The following PDLIM5 variants were observed in gnomAD, a reference collection of about 807,000 sequenced individuals.
PDLIM5 encodes the protein PDZ and LIM domain protein 5.
In PDLIM5, 34 loss-of-function variants were observed where a neutral mutation model predicts 64.2. The ratio of observed to expected loss-of-function variants is 0.53; its 90% confidence interval spans 0.40 to 0.71. The LOEUF (loss-of-function observed/expected upper bound fraction) is 0.71. Ranked by LOEUF, PDLIM5 falls within the 30% of genes least tolerant of loss-of-function variation. The probability of loss-of-function intolerance (pLI) is 0.00; values close to 1 mark genes in which losing one functional copy is unlikely to be tolerated. For synonymous variants in PDLIM5, 253 were observed against 269.1 expected, an observed-to-expected ratio of 0.94 and a Z score of 0.59; for missense variants, 683 against 733.6, an observed-to-expected ratio of 0.93 and a Z score of 0.80.
chr4:94,661,822 C>CTT (rs869268659), intron 11 of PDLIM5, among the ~76,000 whole-genome samples: 3 of 142,324 alleles, frequency 2.1e-5, no homozygotes, highest in South Asian at 2.3e-4. Context: ...CAGAACAGTT[C>CTT]TTTTTTTTTT....
chr4:94,635,586 A>G lies in PDLIM5; in HGVS notation c.1109-4690A>G, dbSNP rs760605904. On this transcript the variant is annotated intron_variant, in intron 8 of 12. Coordinates refer to ENST00000317968, the MANE Select transcript of PDLIM5 (RefSeq NM_006457.5). ...GGGTTCAATGCATTTGGAGCATTTTAGAGGTCAATGTGCTACCCATGGAAG... is the reference window on the plus strand; with the variant it reads ...GGGTTCAATGCATTTGGAGCATTTTGGAGGTCAATGTGCTACCCATGGAAG... Among the ~76,000 whole-genome samples the G allele has an allele frequency of 9.8e-5, 15 of 152,352 alleles. No homozygotes were observed. The East Asian group carries it at 2.3e-3, about 24-fold the overall frequency.
rs34176254 is a variant in PDLIM5 at position 94,479,330 on chromosome 4, C to CTTT, written c.96+23960_96+23962dup. Among the ~76,000 whole-genome samples the CTTT allele has an allele frequency of 4.0e-4, 53 of 130,952 alleles. 1 individual carries two copies. Among genetic ancestry groups the CTTT allele is most frequent in the African/African-American group, 8.5e-4 (29 of 34,058 alleles). 85.9% of individuals were successfully genotyped at this position (130,952 alleles called of 152,430 possible). The stretch of plus-strand genomic sequence containing the variant: ...AATTTTTATAAGGAGAGCTTTGAGA[C>CTTT]TTTTTTTTTTTTTTTTGAGACAGGG... On this transcript the variant is annotated intron_variant, in intron 2 of 12. Coordinates refer to ENST00000317968, the MANE Select transcript of PDLIM5 (RefSeq NM_006457.5).
chr4:94,661,254 C>T (rs1164985379), intron 11 of PDLIM5, among the ~76,000 whole-genome samples: 1 of 151,838 alleles, frequency 6.6e-6, no homozygotes, highest in East Asian at 1.9e-4. Context: ...ATTAGCTGGA[C>T]ATGGTGGCTT....
intron 2 of PDLIM5, among the ~76,000 whole-genome samples, chr4:94,479,370 A>G (rs1390743485): frequency 7.6e-6 from 1 of 132,304 alleles, no homozygotes; most frequent in Non-Finnish European, 1.5e-5. Flanking sequence ...ACTCTTGCCC[A>G]GGCTGGAGTG....
At chr4:94,546,591 T>G (rs1732339244) in intron 3 of PDLIM5, among the ~76,000 whole-genome samples, 1 of 152,164 alleles carries the variant, frequency 6.6e-6, no homozygotes, top group African/African-American at 2.4e-5. Flanking sequence ...TAATTATCTA[T>G]CTAATATTAA....
intron 3 of PDLIM5, among the ~76,000 whole-genome samples, chr4:94,566,563 G>C (rs2452593): frequency 5.3e-5 from 8 of 152,132 alleles, no homozygotes; most frequent in African/African-American, 1.9e-4. Flanking sequence ...ACCTCATTGC[G>C]TCCTCAAAAC....
chr4:94,549,928 G>A (rs960408965), intron 3 of PDLIM5: 2 of 151,946 alleles, frequency 1.3e-5, no homozygotes, highest in Admixed American at 6.6e-5. Flanking sequence ...AAAAAAAAAT[G>A]CTTATGTTCT....
intron 3 of PDLIM5, among the ~76,000 whole-genome samples, chr4:94,568,714 A>T (rs1734550910): frequency 6.6e-6 from 1 of 152,214 alleles, no homozygotes; most frequent in Admixed American, 6.5e-5. Context: ...CTGGAATCAA[A>T]TAGAATATTG....
chr4:94,487,312 G>C (rs1253888884), intron 2 of PDLIM5, among the ~76,000 whole-genome samples: 1 of 152,162 alleles, frequency 6.6e-6, no homozygotes, highest in Non-Finnish European at 1.5e-5. Context: ...CAGTAGACTT[G>C]ACCAGTGAAG....
chr4:94,615,572 T>C (rs1009308569), intron 7 of PDLIM5, among the ~76,000 whole-genome samples: 2 of 152,168 alleles, frequency 1.3e-5, no homozygotes, highest in African/African-American at 2.4e-5. Context: ...ATAGTTTGTA[T>C]AGCATAGTGA....
Position 94,501,812 on chromosome 4 carries a change from G to T in PDLIM5, c.97-21912G>T, listed in dbSNP as rs573483388. ...AGACTTCCATCATCATTCATCAAGG[G>T]CATACCAAGGAAGATCTTCCCACCA... On this transcript the variant is annotated intron_variant, in intron 2 of 12. Transcript: ENST00000317968. Among the ~76,000 whole-genome samples the T allele has an allele frequency of 3.3e-5, 5 of 152,144 alleles. 1 individual carries two copies. Among genetic ancestry groups the T allele is most frequent in the African/African-American group, 1.2e-4 (5 of 41,518 alleles).
intron 8 of PDLIM5, among the ~76,000 whole-genome samples, chr4:94,621,477 A>C (rs552291331): frequency 1.3e-5 from 2 of 152,350 alleles, no homozygotes; most frequent in South Asian, 4.1e-4. Context: ...GGAAGCTAAC[A>C]GGAGAATGTT....
intron 8 of PDLIM5, among the ~76,000 whole-genome samples, chr4:94,623,931 T>G (rs529116432): frequency 6.6e-6 from 1 of 152,328 alleles, no homozygotes; most frequent in African/African-American, 2.4e-5. Context: ...ACATGAGCAG[T>G]ACCATAACTA....
intron 3 of PDLIM5, among the ~76,000 whole-genome samples, chr4:94,546,698 A>G (rs900324414): frequency 6.6e-6 from 1 of 152,126 alleles, no homozygotes; most frequent in African/African-American, 2.4e-5. Flanking sequence ...AGTATTTTTT[A>G]AAATATAAAG....
At chr4:94,452,298 G>A (rs1489354000) in intron 1 of PDLIM5, among the ~76,000 whole-genome samples, 2 of 152,174 alleles carry the variant, frequency 1.3e-5, no homozygotes, top group Non-Finnish European at 2.9e-5. Flanking sequence ...CGGGGACGCG[G>A]GAGGGCGCCC....
chr4:94,497,760 A>G (rs1411133648), intron 2 of PDLIM5, among the ~76,000 whole-genome samples: 2 of 152,154 alleles, frequency 1.3e-5, no homozygotes, highest in African/African-American at 4.8e-5. Flanking sequence ...GCCCATTAGA[A>G]TGTATATCTA....
In PDLIM5 at chr4:94,667,320, A is replaced by G. The variant is rs976250988; in HGVS notation, c.*3253A>G. 6.6e-6 allele frequency: 1 copy of G among 152,228 alleles called. No individual in the cohort carries two copies. Among genetic ancestry groups the G allele is most frequent in the South Asian group, 2.1e-4 (1 of 4,834 alleles). The allele number at this position is 152,228 out of a possible 1,614,324, so 9.4% of individuals were successfully genotyped here. Reference sequence around the variant, plus strand: ...CTTGTCCAGTTGGCCCTCCATGTCCATAGGCTTCGCATCTGTGATTCAGCC... The same window carrying G: ...CTTGTCCAGTTGGCCCTCCATGTCCGTAGGCTTCGCATCTGTGATTCAGCC... On this transcript the variant is annotated 3_prime_UTR_variant, in exon 13 of 13. Transcript: ENST00000317968.
intron 9 of PDLIM5, among the ~76,000 whole-genome samples, chr4:94,649,037 G>A (rs1052225235): frequency 1.2e-4 from 18 of 151,724 alleles, no homozygotes; most frequent in African/African-American, 4.1e-4. Context: ...GTGCAGTGGC[G>A]CAATCTTGGT....
chr4:94,585,513 C>A, intron 5 of PDLIM5, 52 bp from the exon 6 acceptor site: 1 of 1,049,454 alleles, frequency 9.5e-7, no homozygotes, highest in South Asian at 2.2e-5. Flanking sequence ...GATATTTTAT[C>A]CTTTTAATAT....
Sources: gnomAD v4.1 joint callset for allele counts (sites outside exome capture counted in the v4.1 genomes callset) on GRCh38, gnomAD v4.1.1 for gene constraint, MANE v1.5 for transcripts, NCBI Gene and HGNC (gene_info 2026-07-23, HGNC 2026-07-21) for gene names.